The following MBD6 variants were observed in gnomAD, a reference collection of about 807,000 sequenced individuals.
MBD6 encodes methyl-CpG-binding domain protein 6.
MBD6 carries 22 observed loss-of-function variants against 66.8 expected under a neutral mutation model. That is an observed-to-expected ratio of 0.33 (90% CI 0.24 to 0.47). MBD6 has a LOEUF of 0.47. MBD6 is among the 20% of genes least tolerant of loss of function. The probability of loss-of-function intolerance (pLI) is 1.00; values close to 1 mark genes in which losing one functional copy is unlikely to be tolerated. For missense variants in MBD6, 1,322 were observed against 1,286.9 expected (o/e 1.03, Z -0.42); for synonymous variants, 540 against 534.6 (o/e 1.01, Z -0.14).
At chr12:57,522,759 A>ACGGCGGCGGCGGCAGCGACGGCGG (rs1878466219), upstream of MBD6, 1 of 153,606 alleles carries the variant, frequency 6.5e-6, no homozygotes, top group African/African-American at 2.5e-5. Flanking sequence ...TGCGGCAGCG[A>ACGGCGGCGGCGGCAGCGACGGCGG]CGGCGGCGGC....
At position 57,529,015 on chromosome 12, in the gene MBD6, T is replaced by G; in HGVS notation, c.2937+6T>G. The G allele has an allele frequency of 1.2e-6, 2 of 1,613,644 alleles. No homozygotes were observed. The highest frequency in any genetic ancestry group is 8.5e-7 in the Non-Finnish European group (1 of 1,179,894). On this transcript the variant is annotated splice_donor_region_variant and intron_variant, in intron 12 of 12. Transcript: ENST00000355673. The stretch of plus-strand genomic sequence containing the variant: ...AACCCAGCCCTACAGCCCGAGTAAG[T>G]GTGTGTTTGGGTGGATGGGTGGATG...
At position 57,529,418 on chromosome 12, in the gene MBD6, A is replaced by ACCCCCCCCCCCCCCCCCCCCCCCCCCCCC. The variant is rs368133035; in HGVS notation, c.*193_*194insCCCCCCCCCCCCCCCCCCCCCCCCCCCCC. 2 of 333,350 alleles carry ACCCCCCCCCCCCCCCCCCCCCCCCCCCCC rather than the reference A, an allele frequency of 6.0e-6. No individual in the cohort carries two copies. The highest frequency in any genetic ancestry group is 5.2e-6 in the Non-Finnish European group (1 of 190,522). 20.6% of individuals were successfully genotyped at this position (333,350 alleles called of 1,614,324 possible). A position where few individuals can be genotyped will look rare whatever the true frequency, so the allele number is the denominator to read the frequency against. ...GCCATTGCAGGGGGCAGGGAAGTTC[A>ACCCCCCCCCCCCCCCCCCCCCCCCCCCCC]CCCCCCCCCACCACCCCCCCGCCCC... On this transcript the variant is annotated 3_prime_UTR_variant, in exon 13 of 13. Coordinates refer to ENST00000355673, the MANE Select transcript of MBD6 (RefSeq NM_052897.4).
chr12:57,528,420 G>A lies in MBD6; in HGVS notation c.2680G>A (p.Gly894Arg), dbSNP rs372685712. The A allele has an allele frequency of 9.3e-6, 15 of 1,613,436 alleles. No individual in the cohort carries two copies. The African/African-American group carries it at 1.9e-4, about 20-fold the overall frequency. The change falls in exon 10 of 13, where the codon GGG becomes AGG. Residue 894 changes from glycine (G) to arginine (R), a missense_variant. By Grantham distance (125) the Gly-to-Arg change is moderately radical. Transcript: ENST00000355673. ...REPGRLALKW[G>R]TRGGFNGQME... is the part of the protein sequence containing the mutation. Reference sequence around the variant, plus strand: ...GCCTGGCCGACTGGCCCTCAAATGGGGGACACGTGGTGGCTTCAATGGACA... The same window carrying A: ...GCCTGGCCGACTGGCCCTCAAATGGAGGACACGTGGTGGCTTCAATGGACA...
rs199796736 is a variant in MBD6, at chr12:57,528,206, C to G, written c.2466C>G (p.Leu822=). Reference sequence around the variant, plus strand: ...CCCCCGAGAGCCCTGCCTCAGCCCTCGAACCAGAGCCTGCCAGGCCTCCCC... The same window carrying G: ...CCCCCGAGAGCCCTGCCTCAGCCCTGGAACCAGAGCCTGCCAGGCCTCCCC... ...CLPPESPASA[L]EPEPARPPLS... Residue 822 remains leucine (L), a synonymous_variant, in exon 10 of 13, where the codon CTC becomes CTG. Transcript: ENST00000355673. 1 of 1,611,582 alleles carries G rather than the reference C, an allele frequency of 6.2e-7. No homozygotes were observed. Among genetic ancestry groups the G allele is most frequent in the East Asian group, 2.2e-5 (1 of 44,862 alleles).
chr12:57,527,313 C>A, intron 7 of MBD6, 86 bp downstream of exon 7: 1 of 1,128,978 alleles, frequency 8.9e-7, no homozygotes, highest in Non-Finnish European at 1.2e-6. Context: ...AGTTTCATTC[C>A]TGAGCTCTTC....
chr12:57,525,788 C>G lies in MBD6; in HGVS notation c.820C>G (p.Pro274Ala). 6.2e-7 allele frequency: 1 copy of G among 1,612,712 alleles called. No individual in the cohort carries two copies. Among genetic ancestry groups the G allele is most frequent in the African/African-American group, 1.3e-5 (1 of 74,880 alleles). Reference sequence around the variant, plus strand: ...TGCCTTAACACCCCCTCCCCTGCCCCCGAGCAATAATCTCCCCGCCCACCC... The same window carrying G: ...TGCCTTAACACCCCCTCCCCTGCCCGCGAGCAATAATCTCCCCGCCCACCC... ...SDALTPPPLP[P>A]SNNLPAHPGP... Residue 274 changes from proline (P) to alanine (A), a missense_variant, in exon 6 of 13, where the codon CCG (proline) becomes GCG (alanine). Pro to Ala is a conservative substitution (Grantham distance 27). Transcript: ENST00000355673.
In MBD6 at chr12:57,525,980, C is replaced by G. The variant is rs750329236; in HGVS notation, c.1012C>G (p.Pro338Ala). Residue 338 changes from proline (P) to alanine (A), a missense_variant, in exon 6 of 13, where the codon CCC (proline) becomes GCC (alanine). Pro to Ala is a conservative substitution (Grantham distance 27). Coordinates refer to ENST00000355673, the MANE Select transcript of MBD6 (RefSeq NM_052897.4). Reference sequence around the variant, plus strand: ...GGCACAGCATCCCCCACTACCCCCTCCCAGCACTTTACAGGGCCGAAGGCC... The same window carrying G: ...GGCACAGCATCCCCCACTACCCCCTGCCAGCACTTTACAGGGCCGAAGGCC... ...AKAQHPPLPP[P>A]STLQGRRPRA... The G allele has an allele frequency of 3.1e-6, 5 of 1,613,700 alleles. No individual in the cohort carries two copies. The African/African-American group carries it at 5.3e-5, about 17-fold the overall frequency.
In MBD6 at chr12:57,529,141, A is replaced by C. The variant is rs1195529187; in HGVS notation, c.2938-19A>C. On this transcript the variant is annotated intron_variant, in intron 12 of 12. Transcript: ENST00000355673. ...ACCTAGCAATTGACCACTTCTATCAACTTCCCCTCTGATATTAGGCAGCTG... is the reference window on the plus strand; with the variant it reads ...ACCTAGCAATTGACCACTTCTATCACCTTCCCCTCTGATATTAGGCAGCTG... The C allele has an allele frequency of 6.2e-7, 1 of 1,613,970 alleles. No homozygotes were observed.
At position 57,525,978 on chromosome 12, in the gene MBD6, C is replaced by T; in HGVS notation, c.1010C>T (p.Pro337Leu). The T allele has an allele frequency of 6.2e-7, 1 of 1,613,792 alleles. No homozygotes were observed. Among genetic ancestry groups the T allele is most frequent in the African/African-American group, 1.3e-5 (1 of 75,022 alleles). ...AAGGCACAGCATCCCCCACTACCCCCTCCCAGCACTTTACAGGGCCGAAGG... is the reference window on the plus strand; with the variant it reads ...AAGGCACAGCATCCCCCACTACCCCTTCCCAGCACTTTACAGGGCCGAAGG... ...AAKAQHPPLP[P>L]PSTLQGRRPR... The change falls in exon 6 of 13, where the codon CCT becomes CTT. Residue 337 changes from proline (P) to leucine (L), a missense_variant. Transcript: ENST00000355673.
intron 2 of MBD6, 22 bp from the exon 3 acceptor site, chr12:57,524,258 A>C (rs1452788438): frequency 3.6e-6 from 5 of 1,403,218 alleles, no homozygotes; most frequent in Middle Eastern, 1.9e-4. Flanking sequence ...CCTAGTGCCT[A>C]CATGGATGTC....
Position 57,527,830 on chromosome 12 carries a change from A to C in MBD6, c.2237-18A>C, listed in dbSNP as rs1385858941. The C allele has an allele frequency of 1.2e-6, 2 of 1,611,826 alleles. No individual in the cohort carries two copies. Among genetic ancestry groups the C allele is most frequent in the South Asian group, 2.2e-5 (2 of 90,912 alleles). ...TGGTTTGCCTAGGGAGAGACCCCTG[A>C]CTATAATTTCTCAACAGGTGACCTG... On this transcript the variant is annotated intron_variant, in intron 8 of 12. Transcript: ENST00000355673.
At chr12:57,527,323 C>T (rs1879065361) in intron 7 of MBD6, 96 bp downstream of exon 7, 2 of 1,106,396 alleles carry the variant, frequency 1.8e-6, no homozygotes, top group South Asian at 1.6e-5. Context: ...CTGAGCTCTT[C>T]CTTGGGGCCT....
rs779798570 is a variant in MBD6, at chr12:57,525,657, G to C, written c.689G>C (p.Gly230Ala). 9 of 1,613,972 alleles carry C rather than the reference G, an allele frequency of 5.6e-6. No homozygotes were observed. Among genetic ancestry groups the C allele is most frequent in the Non-Finnish European group, 7.6e-6 (9 of 1,179,956 alleles). Reference protein sequence around the residue: ...ISLNAPSYNWGAALRSSLVPS... With the variant: ...ISLNAPSYNWAAALRSSLVPS... Reference sequence around the variant, plus strand: ...CTCAATGCTCCCTCATACAACTGGGGAGCTGCCCTCAGATCCAGCCTGGTG... The same window carrying C: ...CTCAATGCTCCCTCATACAACTGGGCAGCTGCCCTCAGATCCAGCCTGGTG... Residue 230 changes from glycine (G) to alanine (A), a missense_variant, in exon 6 of 13, where the codon GGA becomes GCA. Gly to Ala is a moderately conservative substitution (Grantham distance 60). Coordinates refer to ENST00000355673, the MANE Select transcript of MBD6 (RefSeq NM_052897.4).
rs1459762262 is a variant in MBD6 at position 57,529,431 on chromosome 12, A to AC, written c.*204dup. The AC allele has an allele frequency of 5.8e-5, 23 of 395,002 alleles. No individual in the cohort carries two copies. The highest frequency in any genetic ancestry group is 6.8e-4 in the Middle Eastern group (1 of 1,480). 24.5% of individuals were successfully genotyped at this position (395,002 alleles called of 1,614,324 possible). A position where few individuals can be genotyped will look rare whatever the true frequency, so the allele number is the denominator to read the frequency against. Reference sequence around the variant, plus strand: ...GCAGGGAAGTTCACCCCCCCCCACCACCCCCCCGCCCCCCCGAAGCCATGT... The same window carrying AC: ...GCAGGGAAGTTCACCCCCCCCCACCACCCCCCCCGCCCCCCCGAAGCCATGT... On this transcript the variant is annotated 3_prime_UTR_variant, in exon 13 of 13. Coordinates refer to ENST00000355673, the MANE Select transcript of MBD6 (RefSeq NM_052897.4).
rs560702391 is a variant in MBD6, at chr12:57,528,024, G to A, written c.2406+7G>A. 4.6e-6 allele frequency: 7 copies of A among 1,534,312 alleles called. No homozygotes were observed. In the African/African-American group the frequency reaches 5.6e-5, roughly 12 times the overall value. On this transcript the variant is annotated splice_region_variant and intron_variant, in intron 9 of 12. Transcript: ENST00000355673. ...CCTGCTACAGAGTCTCCAGGTGAGG[G>A]TGTGGGCATATATTTGTCAGGGAGA... is the stretch of plus-strand genomic sequence containing the variant.
Position 57,526,955 on chromosome 12 carries a change from C to T in MBD6, c.1810C>T (p.Pro604Ser), listed in dbSNP as rs1221821641. ...GPSLLVASLL[P>S]PPPSDLLPPP... ...TTCGCTTTTGGTGGCTTCCTTGCTT[C>T]CTCCACCACCCTCAGACCTTCTTCC... The change falls in exon 7 of 13, where the codon CCT becomes TCT. Residue 604 changes from proline (P) to serine (S), a missense_variant. Coordinates refer to ENST00000355673, the MANE Select transcript of MBD6 (RefSeq NM_052897.4). The T allele has an allele frequency of 1.2e-6, 2 of 1,613,612 alleles. No homozygotes were observed. Among genetic ancestry groups the T allele is most frequent in the Middle Eastern group, 1.6e-4 (1 of 6,082 alleles).
Position 57,524,722 on chromosome 12 carries a change from C to G in MBD6, c.116C>G (p.Pro39Arg). ...CCTCTGACCCTGTCCTCTCGCAGTC[C>G]AAGTGGCACAGAGCTGTCTTCCTTG... is the stretch of plus-strand genomic sequence containing the variant. ...VREGAVLYISPSGTELSSLEQ... is the reference protein window; with the variant it reads ...VREGAVLYISRSGTELSSLEQ... Residue 39 changes from proline to arginine, a missense_variant and splice_region_variant, in exon 4 of 13, where the codon CCA (proline) becomes CGA (arginine). Physicochemically the swap from Pro to Arg is moderately radical, Grantham distance 103. Coordinates refer to ENST00000355673, the MANE Select transcript of MBD6 (RefSeq NM_052897.4). 1 of 1,614,154 alleles carries G rather than the reference C, an allele frequency of 6.2e-7. No individual in the cohort carries two copies. Among genetic ancestry groups the G allele is most frequent in the Non-Finnish European group, 8.5e-7 (1 of 1,180,012 alleles).
chr12:57,523,077 C>G (rs1225590483), intron 1 of MBD6, 66 bp downstream of exon 1: 6 of 145,836 alleles, frequency 4.1e-5, no homozygotes, highest in African/African-American at 1.0e-4. Context: ...TCTGCCCCCT[C>G]CGCGTCCTCT....
At chr12:57,527,708 G>C (rs994981279) in intron 8 of MBD6, 48 bp downstream of exon 8, 25 of 1,558,834 alleles carry the variant, frequency 1.6e-5, no homozygotes, top group Non-Finnish European at 2.2e-5. Context: ...GAAAAAGCAG[G>C]AGTAAAACTT....
Sources: gnomAD v4.1 joint callset for allele counts on GRCh38, gnomAD v4.1.1 for gene constraint, MANE v1.5 for transcripts, NCBI Gene and HGNC (gene_info 2026-07-23, HGNC 2026-07-21) for gene names.